Variants in XKR6 observed in about 807,000 individuals in gnomAD.
The protein encoded by XKR6 is XK-related protein 6.
XKR6 carries 22 observed loss-of-function variants against 56.7 expected under a neutral mutation model. That is an observed-to-expected ratio of 0.39 (90% CI 0.28 to 0.55). XKR6 has a LOEUF of 0.55. Among genes scored for constraint, XKR6 ranks in the 20% least tolerant of loss-of-function variants. XKR6 has a pLI of 0.66. For missense variants in XKR6, 852 were observed against 889.0 expected (o/e 0.96, Z 0.53); for synonymous variants, 524 against 387.8 (o/e 1.35, Z -4.13).
chr8:11,032,789 C>T (rs1381810559), intron 1 of XKR6, among the ~76,000 whole-genome samples: 1 of 152,168 alleles, frequency 6.6e-6, no homozygotes, highest in Non-Finnish European at 1.5e-5. Flanking sequence ...CAGGACCTAC[C>T]TTACAAGGCT....
At chr8:11,150,852 CAAAAAAAAAA>C (rs546547767) in intron 1 of XKR6, among the ~76,000 whole-genome samples, 1 of 90,310 alleles carries the variant, frequency 1.1e-5, no homozygotes, top group Admixed American at 1.3e-4. Flanking sequence ...GACTCCATCT[CAAAAAAAAAA>C]AAAAAAAAAA....
chr8:11,080,305 C>G (rs1212969713), intron 1 of XKR6, among the ~76,000 whole-genome samples: 1 of 151,938 alleles, frequency 6.6e-6, no homozygotes, highest in Non-Finnish European at 1.5e-5. Flanking sequence ...TTTGTCCAAG[C>G]TATAGCCTAT....
chr8:11,140,675 G>A (rs1414351820), intron 1 of XKR6, among the ~76,000 whole-genome samples: 2 of 151,882 alleles, frequency 1.3e-5, no homozygotes, highest in East Asian at 3.9e-4. Context: ...AGGTGGGTGG[G>A]TCACGAGGTC....
chr8:11,131,612 T>A (rs1800107242), intron 1 of XKR6, among the ~76,000 whole-genome samples: 2 of 152,312 alleles, frequency 1.3e-5, no homozygotes, highest in South Asian at 4.1e-4. Flanking sequence ...TCTCTTCCCC[T>A]GAAGTAGTCA....
intron 1 of XKR6, among the ~76,000 whole-genome samples, chr8:11,160,612 T>TA (rs1450012825): frequency 6.6e-6 from 1 of 151,956 alleles, no homozygotes; most frequent in Non-Finnish European, 1.5e-5. Context: ...AATGATGCCT[T>TA]AAAAAATGGT....
chr8:11,095,062 G>T (rs1020196080), intron 1 of XKR6, among the ~76,000 whole-genome samples: 1 of 152,178 alleles, frequency 6.6e-6, no homozygotes, highest in African/African-American at 2.4e-5. Context: ...AAGAAAAAAA[G>T]TAGGCTGATA....
At chr8:11,002,860 C>T (rs898512802) in intron 1 of XKR6, among the ~76,000 whole-genome samples, 12 of 152,142 alleles carry the variant, frequency 7.9e-5, no homozygotes, top group African/African-American at 2.9e-4. Flanking sequence ...TAAAAGTCAC[C>T]GGTGGAAATA....
At chr8:10,988,905 G>A (rs1319380675) in intron 1 of XKR6, among the ~76,000 whole-genome samples, 1 of 152,204 alleles carries the variant, frequency 6.6e-6, no homozygotes, top group Non-Finnish European at 1.5e-5. Flanking sequence ...GTTTCTTGAT[G>A]ACCCAAAGTC....
chr8:11,051,898 G>A (rs191802030), intron 1 of XKR6, among the ~76,000 whole-genome samples: 3 of 152,164 alleles, frequency 2.0e-5, no homozygotes, highest in Non-Finnish European at 4.4e-5. Context: ...TGTTACATAG[G>A]TATACATATG....
intron 1 of XKR6, among the ~76,000 whole-genome samples, chr8:11,061,737 G>C (rs73543362): frequency 0.066 from 9,977 of 152,228 alleles, 1,140 homozygotes; most frequent in African/African-American, 0.23. Flanking sequence ...CAGAAGCCCA[G>C]GACGAGGCCA....
intron 1 of XKR6, among the ~76,000 whole-genome samples, chr8:10,964,319 T>C (rs1802151901): frequency 6.6e-6 from 1 of 152,110 alleles, no homozygotes; most frequent in Non-Finnish European, 1.5e-5. Flanking sequence ...GTTTGCTCAG[T>C]TTTGCAAAAT....
At chr8:11,128,379 G>C (rs1369204979) in intron 1 of XKR6, among the ~76,000 whole-genome samples, 1 of 152,164 alleles carries the variant, frequency 6.6e-6, no homozygotes, top group Non-Finnish European at 1.5e-5. Flanking sequence ...TGACGCTCCA[G>C]ATTTTATAGG....
chr8:10,991,025 T>C (rs181680015), intron 1 of XKR6, among the ~76,000 whole-genome samples: 1 of 147,508 alleles, frequency 6.8e-6, no homozygotes, highest in East Asian at 2.1e-4. Flanking sequence ...TGCCTCAGCC[T>C]CCTGAGTAAC....
intron 1 of XKR6, among the ~76,000 whole-genome samples, chr8:11,104,138 C>T (rs1798587128): frequency 6.6e-6 from 1 of 152,166 alleles, no homozygotes; most frequent in Admixed American, 6.5e-5. Context: ...CCTAAGAAAA[C>T]GTCTCTAAGG....
chr8:10,926,607 C>G (rs796468308), intron 1 of XKR6, among the ~76,000 whole-genome samples: 1 of 152,242 alleles, frequency 6.6e-6, no homozygotes, highest in African/African-American at 2.4e-5. Flanking sequence ...GGGCACCAGG[C>G]CCCCCAGGCC....
chr8:10,958,460 C>G (rs1801963793), intron 1 of XKR6, among the ~76,000 whole-genome samples: 1 of 152,244 alleles, frequency 6.6e-6, no homozygotes. Context: ...GGGCCCACAT[C>G]CAGCTACTCA....
intron 1 of XKR6, among the ~76,000 whole-genome samples, chr8:11,035,939 CTTTT>C (rs58989028): frequency 5.9e-5 from 6 of 101,620 alleles, no homozygotes; most frequent in Non-Finnish European, 9.3e-5. Flanking sequence ...CTGTGAAAGT[CTTTT>C]TTTTTTTTTT....
At chr8:11,086,634 C>A (rs555693051) in intron 1 of XKR6, among the ~76,000 whole-genome samples, 12 of 152,204 alleles carry the variant, frequency 7.9e-5, no homozygotes, top group Non-Finnish European at 1.5e-4. Context: ...TAGAAAGATG[C>A]GGTGAGGTTA....
intron 1 of XKR6, among the ~76,000 whole-genome samples, chr8:10,965,212 A>G (rs74905471): frequency 0.046 from 6,941 of 152,298 alleles, 180 homozygotes; most frequent in Middle Eastern, 0.075. Flanking sequence ...CAGTTCTGAG[A>G]AAGCCCATTT....
Sources: allele counts gnomAD v4.1 joint callset (sites outside exome capture counted in the v4.1 genomes callset), GRCh38; gene constraint gnomAD v4.1.1; transcripts MANE v1.5; gene names NCBI Gene and HGNC (gene_info 2026-07-23, HGNC 2026-07-21).